Variants in DPF1 observed in about 807,000 individuals in gnomAD.
DPF1 encodes the protein zinc finger protein neuro-d4.
Under a neutral mutation model 58.7 loss-of-function variants are expected in DPF1, and 14 were observed. The observed-to-expected ratio is 0.24, with a 90% CI of 0.16 to 0.37. The LOEUF is 0.37. Ranked by LOEUF, DPF1 falls within the 10% of genes least tolerant of loss-of-function variation. The probability of loss-of-function intolerance (pLI) is 1.00; values close to 1 mark genes in which losing one functional copy is unlikely to be tolerated. For synonymous variants in DPF1, 216 were observed against 216.0 expected, an observed-to-expected ratio of 1.00 and a Z score of 0.00; for missense variants, 345 against 529.9, an observed-to-expected ratio of 0.65 and a Z score of 3.43.
intron 3 of DPF1, among the ~76,000 whole-genome samples, chr19:38,220,607 C>G (rs1290504436): frequency 6.8e-6 from 1 of 147,626 alleles, no homozygotes; most frequent in Non-Finnish European, 1.5e-5. Flanking sequence ...CAGAGCAAGA[C>G]TCCGTCTCAA....
intron 9 of DPF1, among the ~76,000 whole-genome samples, chr19:38,215,878 C>G (rs555044233): frequency 2.6e-5 from 4 of 152,202 alleles, no homozygotes; most frequent in African/African-American, 7.2e-5. Context: ...CCTCTCACTA[C>G]TCTTGATGCC....
intron 10 of DPF1, 52 bp from the exon 11 acceptor site, chr19:38,212,413 A>T: frequency 1.7e-5 from 4 of 242,324 alleles, no homozygotes; most frequent in African/African-American, 3.6e-5. Flanking sequence ...GGCACCAGAA[A>T]CGGGGGTGGG....
upstream of DPF1, among the ~76,000 whole-genome samples, chr19:38,226,043 G>A (rs1196842043): frequency 2.6e-5 from 4 of 152,050 alleles, no homozygotes; most frequent in South Asian, 8.3e-4. Flanking sequence ...TCACATGCCC[G>A]CATGCCCTGG....
upstream of DPF1, chr19:38,224,348 G>T (rs925285635): frequency 3.3e-6 from 4 of 1,208,510 alleles, no homozygotes; most frequent in Admixed American, 8.5e-5. This position sits in a 1 kb window ranked among gnomAD's most constrained non-coding sequence, Gnocchi z 4.5. Context: ...CCGCGGGGAC[G>T]GGACGGCGCG....
chr19:38,213,977 T>C (rs1429231198), intron 9 of DPF1: 5 of 550,390 alleles, frequency 9.1e-6, no homozygotes, highest in Non-Finnish European at 1.3e-5. Context: ...GCAACCACAC[T>C]CTGCTCCCCA....
intron 9 of DPF1, among the ~76,000 whole-genome samples, chr19:38,215,429 G>T (rs1237444758): frequency 1.3e-5 from 2 of 152,036 alleles, no homozygotes; most frequent in East Asian, 1.9e-4. Flanking sequence ...GGAGGCGGAG[G>T]TTGCAGTGAG....
chr19:38,220,018 T>TAAAAAAA (rs199924530), intron 3 of DPF1: 1 of 142,826 alleles, frequency 7.0e-6, no homozygotes, highest in Non-Finnish European at 1.5e-5. Flanking sequence ...CATCTCTACT[T>TAAAAAAA]AAAAAAAAAA....
chr19:38,227,015 TTC>T (rs1600294578), upstream of DPF1, among the ~76,000 whole-genome samples: 1 of 137,788 alleles, frequency 7.3e-6, no homozygotes, highest in African/African-American at 2.9e-5. Flanking sequence ...CCTTCCTTCC[TTC>T]CTTCCTTCCT....
At chr19:38,218,167 A>C (rs1417215069) in intron 5 of DPF1, among the ~76,000 whole-genome samples, 1 of 152,144 alleles carries the variant, frequency 6.6e-6, no homozygotes, top group East Asian at 1.9e-4. Context: ...GCGCCACTGC[A>C]CTCTAGCCTG....
At chr19:38,226,502 CTA>C (rs1491496135), upstream of DPF1, among the ~76,000 whole-genome samples, 264 of 112,388 alleles carry the variant, frequency 2.3e-3, 2 homozygotes, top group African/African-American at 5.4e-3. Context: ...ACGGTCACTT[CTA>C]CACACACACA....
At position 38,222,868 on chromosome 19, in the gene DPF1, G is replaced by C. The variant is rs186425651; in HGVS notation, c.30-160C>G. Reference sequence around the variant, plus strand: ...TCCTCCCACTCCGGGACCCAGGCTGGGGGAAGGGGACAGGGCCCAGGGGCC... The same window carrying C: ...TCCTCCCACTCCGGGACCCAGGCTGCGGGAAGGGGACAGGGCCCAGGGGCC... On this transcript the variant is annotated intron_variant, in intron 1 of 11. Coordinates refer to ENST00000355526, the MANE Select transcript of DPF1 (RefSeq NM_001135155.3). The surrounding 1 kb of genome is among the most constrained non-coding windows in gnomAD (Gnocchi z 4.9). 9.0e-7 allele frequency: 1 copy of C among 1,112,868 alleles called. No individual in the cohort carries two copies. Among genetic ancestry groups the C allele is most frequent in the Non-Finnish European group, 1.2e-6 (1 of 827,658 alleles). 68.9% of individuals were successfully genotyped at this position (1,112,868 alleles called of 1,614,324 possible).
intron 7 of DPF1, 176 bp downstream of exon 7, chr19:38,217,284 T>C (rs1967090821): frequency 2.6e-6 from 2 of 764,382 alleles, no homozygotes; most frequent in Non-Finnish European, 2.0e-6. Flanking sequence ...GAAGGAGCGA[T>C]GGTTGGTTGC....
chr19:38,228,650 G>A (rs1967928727), upstream of DPF1: 1 of 152,232 alleles, frequency 6.6e-6, no homozygotes, highest in African/African-American at 2.4e-5. Flanking sequence ...GGGGGGTGGG[G>A]AGCGCTGGGA....
upstream of DPF1, among the ~76,000 whole-genome samples, chr19:38,224,831 G>A (rs1044755504): frequency 2.6e-5 from 4 of 152,232 alleles, no homozygotes; most frequent in African/African-American, 9.6e-5. The surrounding 1 kb of genome is among the most constrained non-coding windows in gnomAD (Gnocchi z 4.5). Context: ...CCACTTGGTG[G>A]CCATGTGACC....
At chr19:38,216,960 G>A (rs987690929) in intron 7 of DPF1, among the ~76,000 whole-genome samples, 8 of 152,214 alleles carry the variant, frequency 5.3e-5, no homozygotes, top group Non-Finnish European at 1.0e-4. Flanking sequence ...ACTGAGGTGC[G>A]TGGGTGTGTA....
intron 3 of DPF1, among the ~76,000 whole-genome samples, chr19:38,221,988 G>C (rs532523958): frequency 1.2e-3 from 180 of 152,266 alleles, no homozygotes; most frequent in Non-Finnish European, 2.0e-3. Context: ...GGCTGAGGCA[G>C]AATCGCTTGA....
rs1973434913 is a variant in DPF1 at position 38,211,731 on chromosome 19, T to C, written c.*332A>G. The C allele has an allele frequency of 3.4e-6, 1 of 291,730 alleles. No homozygotes were observed. The highest frequency in any genetic ancestry group is 6.3e-6 in the Non-Finnish European group (1 of 158,480). The allele number at this position is 291,730 out of a possible 1,614,324, so 18.1% of individuals were successfully genotyped here. ...TTTTTTTTTTTAACTTTTTGTCTTT[T>C]TCTTTAGAAAAAGGCTCTGTCCATG... On this transcript the variant is annotated 3_prime_UTR_variant, in exon 12 of 12. Coordinates refer to ENST00000355526, the MANE Select transcript of DPF1 (RefSeq NM_001135155.3). The surrounding 1 kb of genome is among the most constrained non-coding windows in gnomAD (Gnocchi z 4.0).
intron 3 of DPF1, among the ~76,000 whole-genome samples, chr19:38,221,949 C>T (rs975842082): frequency 9.2e-5 from 14 of 151,926 alleles, no homozygotes; most frequent in African/African-American, 2.9e-4. Flanking sequence ...GGCATGGTGG[C>T]GCATGCCTGT....
At chr19:38,214,959 C>T (rs1600241415) in intron 9 of DPF1, among the ~76,000 whole-genome samples, 1 of 151,162 alleles carries the variant, frequency 6.6e-6, no homozygotes, top group Non-Finnish European at 1.5e-5. Flanking sequence ...CCTCAGCCTC[C>T]GGAGTAGCTG....
Sources: gnomAD v4.1 joint callset for allele counts (sites outside exome capture counted in the v4.1 genomes callset) on GRCh38, gnomAD v4.1.1 for gene constraint, Gnocchi (gnomAD v3.1) non-coding constraint, MANE v1.5 for transcripts, NCBI Gene and HGNC (gene_info 2026-07-23, HGNC 2026-07-21) for gene names.